PTPRS: variants seen among roughly 807,000 people sequenced by gnomAD.
PTPRS encodes the protein protein tyrosine phosphatase receptor type S.
Under a neutral mutation model 215.3 loss-of-function variants are expected in PTPRS, and 63 were observed. The observed-to-expected ratio is 0.29, with a 90% CI of 0.24 to 0.36. The LOEUF is 0.36. PTPRS is among the 10% of genes least tolerant of loss of function. The probability of loss-of-function intolerance (pLI) is 1.00; values close to 1 mark genes in which losing one functional copy is unlikely to be tolerated. For synonymous variants in PTPRS, 1,404 were observed against 1,191.4 expected (o/e 1.18, Z -3.68); for missense variants, 2,258 against 2,825.8 (o/e 0.80, Z 4.56).
chr19:5,233,271 T>G (rs2043168766), intron 13 of PTPRS, among the ~76,000 whole-genome samples: 1 of 150,622 alleles, frequency 6.6e-6, no homozygotes, highest in African/African-American at 2.5e-5. Context: ...CGCCAAGCAC[T>G]TCACGAAATA....
At chr19:5,289,770 G>C (rs993297345) in intron 1 of PTPRS, among the ~76,000 whole-genome samples, 2 of 152,234 alleles carry the variant, frequency 1.3e-5, no homozygotes, top group African/African-American at 4.8e-5. Context: ...CAAACAGCAT[G>C]AGGAAGAGCA....
chr19:5,240,787 G>A (rs539894032), intron 11 of PTPRS, among the ~76,000 whole-genome samples: 11 of 151,098 alleles, frequency 7.3e-5, no homozygotes, highest in African/African-American at 1.2e-4. Flanking sequence ...TGCAGTCAGC[G>A]GAGATCGCGC....
At chr19:5,330,902 TCA>T (rs1181874030) in intron 1 of PTPRS, among the ~76,000 whole-genome samples, 1 of 152,100 alleles carries the variant, frequency 6.6e-6, no homozygotes, top group African/African-American at 2.4e-5. Context: ...CCCCGGCAGT[TCA>T]CACTCTCTAG....
intron 9 of PTPRS, among the ~76,000 whole-genome samples, chr19:5,252,574 C>CAAAAA (rs56215560): frequency 3.0e-5 from 2 of 66,820 alleles, no homozygotes; most frequent in African/African-American, 6.6e-5. Flanking sequence ...GAGATTCTGT[C>CAAAAA]AAAAAAAAAA....
rs371399997 is a variant in PTPRS, at chr19:5,249,172, G to A, written c.719-3127C>T. On this transcript the variant is annotated intron_variant, in intron 9 of 37. Coordinates refer to ENST00000262963, the MANE Select transcript of PTPRS (RefSeq NM_002850.4). ...CTAAAAATACAAAAATTAGCCAGGC[G>A]TGGCGGCGGGCGCCTGTAATCCCAG... Among the ~76,000 whole-genome samples the A allele has an allele frequency of 3.0e-4, 45 of 152,280 alleles. No individual in the cohort carries two copies. In the East Asian group the frequency reaches 7.2e-3, roughly 24 times the overall value.
rs922353208 is a variant in PTPRS at position 5,293,356 on chromosome 19, G to C, written c.-94-7122C>G. On this transcript the variant is annotated intron_variant, in intron 1 of 37. Transcript: ENST00000262963. The surrounding 1 kb of genome is among the most constrained non-coding windows in gnomAD (Gnocchi z 8.4). ...GGCTGCAGGGGACGGGCCCCGAGGA[G>C]GGGGATTGGGGGGCAGGGCGGGGCC... is the stretch of plus-strand genomic sequence containing the variant. 1 of 151,680 alleles carries C rather than the reference G, an allele frequency of 6.6e-6. No individual in the cohort carries two copies. The highest frequency in any genetic ancestry group is 1.5e-5 in the Non-Finnish European group (1 of 67,826). The allele number at this position is 151,680 out of a possible 1,614,324, so 9.4% of individuals were successfully genotyped here. A position where few individuals can be genotyped will look rare whatever the true frequency, so the allele number is the denominator to read the frequency against.
At position 5,286,265 on chromosome 19, in the gene PTPRS, G is replaced by A. The variant is rs115657473; in HGVS notation, c.-94-31C>T. Reference sequence around the variant, plus strand: ...GAGACAATGGAGGGCTGTGAGAGGCGAGTGGGGAAATCCAGGAGACCTTCA... The same window carrying A: ...GAGACAATGGAGGGCTGTGAGAGGCAAGTGGGGAAATCCAGGAGACCTTCA... On this transcript the variant is annotated intron_variant, in intron 1 of 37. Transcript: ENST00000262963. 4,376 of 1,071,352 alleles carry A rather than the reference G, an allele frequency of 4.1e-3. 62 individuals are homozygous for A. The African/African-American group carries it at 0.041, about 10-fold the overall frequency. The allele number at this position is 1,071,352 out of a possible 1,614,324, so 66.4% of individuals were successfully genotyped here. A position where few individuals can be genotyped will look rare whatever the true frequency, so the allele number is the denominator to read the frequency against.
intron 1 of PTPRS, among the ~76,000 whole-genome samples, chr19:5,316,370 T>C (rs1318707655): frequency 6.6e-6 from 1 of 152,054 alleles, no homozygotes; most frequent in Non-Finnish European, 1.5e-5. Flanking sequence ...TGCCCCAGAT[T>C]TGCTGATTGG....
Position 5,322,898 on chromosome 19 carries a change from A to AAAAG in PTPRS, c.-95+17765_-95+17766insCTTT, listed in dbSNP as rs775619490. Among the ~76,000 whole-genome samples the AAAAG allele has an allele frequency of 7.0e-3, 841 of 120,134 alleles. 15 individuals are homozygous for AAAAG. Among genetic ancestry groups the AAAAG allele is most frequent in the Non-Finnish European group, 0.011 (638 of 57,428 alleles). The allele number at this position is 120,134 out of a possible 152,430, so 78.8% of individuals were successfully genotyped here. ...CCGTCTCAAAAAAAAAAAAAAAAAA[A>AAAAG]AAGAAGAAGAAGAAGAAGAAAAAGA... On this transcript the variant is annotated intron_variant, in intron 1 of 37. Coordinates refer to ENST00000262963, the MANE Select transcript of PTPRS (RefSeq NM_002850.4).
At chr19:5,247,472 C>T (rs2044604630) in intron 9 of PTPRS, among the ~76,000 whole-genome samples, 1 of 152,120 alleles carries the variant, frequency 6.6e-6, no homozygotes, top group South Asian at 2.1e-4. Context: ...GGGAAGGACT[C>T]GGGTGAACCT....
At chr19:5,240,125 A>G in intron 12 of PTPRS, 74 bp downstream of exon 12, 1 of 1,404,458 alleles carries the variant, frequency 7.1e-7, no homozygotes, top group Non-Finnish European at 9.3e-7. Flanking sequence ...GAGGGGGAAG[A>G]GACAAGGCGG....
intron 5 of PTPRS, among the ~76,000 whole-genome samples, chr19:5,263,850 A>T (rs2046208627): frequency 6.6e-6 from 1 of 152,090 alleles, no homozygotes; most frequent in African/African-American, 2.4e-5. Context: ...CGGGCGGGGG[A>T]AGGGAGGCCC....
intron 1 of PTPRS, among the ~76,000 whole-genome samples, chr19:5,326,336 G>A (rs1407493283): frequency 6.6e-6 from 1 of 152,182 alleles, no homozygotes; most frequent in African/African-American, 2.4e-5. Flanking sequence ...AACACCTCAG[G>A]GGTGCTCAGG....
chr19:5,270,044 T>A (rs1447987813), intron 4 of PTPRS, among the ~76,000 whole-genome samples: 1 of 150,186 alleles, frequency 6.7e-6, no homozygotes, highest in Non-Finnish European at 1.5e-5. Context: ...GTGCTCAGAG[T>A]GCAGGCTGGC....
intron 35 of PTPRS, among the ~76,000 whole-genome samples, chr19:5,208,908 C>T (rs2040613801): frequency 6.6e-6 from 1 of 152,170 alleles, no homozygotes; most frequent in Admixed American, 6.5e-5. Context: ...CCACTCTGTG[C>T]CATTTCGGGG....
chr19:5,209,018 C>T (rs958837275), intron 35 of PTPRS, among the ~76,000 whole-genome samples: 4 of 152,100 alleles, frequency 2.6e-5, no homozygotes, highest in African/African-American at 9.7e-5. Flanking sequence ...GTCCACCATC[C>T]AACACCATCA....
intron 1 of PTPRS, among the ~76,000 whole-genome samples, chr19:5,305,939 CAAAAAAA>C (rs35165317): frequency 4.9e-4 from 11 of 22,646 alleles, no homozygotes; most frequent in African/African-American, 6.6e-4. Flanking sequence ...GACTCCGTCT[CAAAAAAA>C]AAAAAAAAAA....
intron 2 of PTPRS, chr19:5,277,770 G>T: frequency 2.8e-6 from 2 of 715,712 alleles, no homozygotes; most frequent in Non-Finnish European, 5.1e-6. Flanking sequence ...GCCCAAGATC[G>T]TCAAAAAGAG....
intron 4 of PTPRS, among the ~76,000 whole-genome samples, chr19:5,266,593 C>T (rs1341109583): frequency 2.6e-5 from 4 of 152,114 alleles, no homozygotes; most frequent in Non-Finnish European, 5.9e-5. Context: ...TCTCGAACTC[C>T]TGACCTCATC....
Sources: gnomAD v4.1 joint callset for allele counts (sites outside exome capture counted in the v4.1 genomes callset) on GRCh38, gnomAD v4.1.1 for gene constraint, Gnocchi (gnomAD v3.1) non-coding constraint, MANE v1.5 for transcripts, NCBI Gene and HGNC (gene_info 2026-07-23, HGNC 2026-07-21) for gene names.